The following REC8 variants were observed in gnomAD, a reference collection of about 807,000 sequenced individuals.
REC8 encodes REC8 meiotic recombination protein, also known as meiotic recombination protein REC8 homolog.
Under a neutral mutation model 78.3 loss-of-function variants are expected in REC8, and 42 were observed. The ratio of observed to expected loss-of-function variants is 0.54; its 90% CI spans 0.42 to 0.69. The LOEUF is 0.69. Among genes scored for constraint, REC8 ranks in the 30% least tolerant of loss-of-function variants. The pLI, the probability that REC8 is intolerant of heterozygous loss-of-function variation, is 0.00. For synonymous variants in REC8, 268 were observed against 274.1 expected (o/e 0.98, Z 0.22); for missense variants, 581 against 715.8 (o/e 0.81, Z 2.15).
chr14:24,179,864 A>T lies in REC8; in HGVS notation c.1516A>T (p.Ser506Cys). 1 of 1,613,722 alleles carries T rather than the reference A, an allele frequency of 6.2e-7. No homozygotes were observed. The highest frequency in any genetic ancestry group is 8.5e-7 in the Non-Finnish European group (1 of 1,179,814). The change falls in exon 18 of 19, where the codon AGC (serine) becomes TGC (cysteine). Residue 506 changes from serine to cysteine, a missense_variant. Physicochemically the swap from Ser to Cys is moderately radical, Grantham distance 112. Transcript: ENST00000611366. ...PDFSSLVSPL[S>C]PRRMAARVFY... ...CTTCAGCAGCCTGGTGTCACCTCTC[A>T]GCCCCCGCAGGATGGCTGCCCGGGT...
intron 11 of REC8, 50 bp downstream of exon 11, chr14:24,177,808 C>T (rs377654484): frequency 2.3e-4 from 347 of 1,514,770 alleles, no homozygotes; most frequent in Non-Finnish European, 2.9e-4. Flanking sequence ...TGCCCTCCCC[C>T]ACAAGGACTG....
rs1373066646 is a variant in REC8, at chr14:24,177,214, T to C, written c.698T>C (p.Leu233Ser). Residue 233 changes from leucine to serine, a missense_variant, in exon 8 of 19, where the codon TTG (leucine) becomes TCG (serine). Physicochemically the swap from Leu to Ser is moderately radical, Grantham distance 145. Coordinates refer to ENST00000611366, the MANE Select transcript of REC8 (RefSeq NM_001048205.2). The stretch of plus-strand genomic sequence containing the variant: ...ATCGCAGAGGAAGAAGAAGCTATCT[T>C]GTTAGAAAGTAGGTGTCTCCGGCAG... ...LLIAEEEEAI[L>S]LEIPRLPPPA... 10 of 1,613,844 alleles carry C rather than the reference T, an allele frequency of 6.2e-6. No homozygotes were observed. The highest frequency in any genetic ancestry group is 8.5e-6 in the Non-Finnish European group (10 of 1,179,960).
At chr14:24,180,562 G>A (rs768673914), downstream of REC8, 28 of 1,613,718 alleles carry the variant, frequency 1.7e-5, no homozygotes, top group Non-Finnish European at 2.1e-5. Flanking sequence ...GCAACAGTGC[G>A]GCCTTGGTGT....
At chr14:24,177,948 C>T in intron 11 of REC8, 143 bp from the exon 12 acceptor site, 1 of 1,509,150 alleles carries the variant, frequency 6.6e-7, no homozygotes, top group South Asian at 1.3e-5. Flanking sequence ...AAGGTATGAG[C>T]TGCTCAAGTG....
At chr14:24,172,840 G>C in intron 2 of REC8, 59 bp downstream of exon 2, 1 of 1,613,762 alleles carries the variant, frequency 6.2e-7, no homozygotes. Context: ...GGGATGGGGT[G>C]GCCAAGACTG....
At chr14:24,175,654 G>C (rs2038860339) in intron 6 of REC8, 30 bp downstream of exon 6, 1 of 1,557,480 alleles carries the variant, frequency 6.4e-7, no homozygotes, top group East Asian at 2.2e-5. Context: ...TTTCTGGTGA[G>C]AGGCATAGGC....
At chr14:24,172,675 C>G in intron 1 of REC8, 38 bp from the exon 2 acceptor site, 1 of 1,614,028 alleles carries the variant, frequency 6.2e-7, no homozygotes, top group Non-Finnish European at 8.5e-7. Flanking sequence ...ACAGCTCCCC[C>G]TCCATCCCCA....
At chr14:24,174,427 G>GCCACCAT (rs2038801714) in intron 5 of REC8, among the ~76,000 whole-genome samples, 1 of 151,992 alleles carries the variant, frequency 6.6e-6, no homozygotes, top group African/African-American at 2.4e-5. Context: ...ACAGATGCCT[G>GCCACCAT]CCACCATGCC....
chr14:24,178,353 A>G (rs1028179457), intron 12 of REC8, 131 bp downstream of exon 12: 1 of 894,170 alleles, frequency 1.1e-6, no homozygotes, highest in Admixed American at 2.5e-5. Flanking sequence ...AATCTCCTCC[A>G]TTCTCCAGAA....
At chr14:24,177,098 A>G (rs746217854) in intron 7 of REC8, 43 bp from the exon 8 acceptor site, 4 of 1,590,424 alleles carry the variant, frequency 2.5e-6, no homozygotes, top group Non-Finnish European at 3.5e-6. Flanking sequence ...CTTTTTCAGA[A>G]ATATTATTGA....
Position 24,172,722 on chromosome 14 carries a change from G to A in REC8, c.66G>A (p.Ala22=), listed in dbSNP as rs776852156. 3 of 1,614,176 alleles carry A rather than the reference G, an allele frequency of 1.9e-6. No individual in the cohort carries two copies. The highest frequency in any genetic ancestry group is 2.5e-6 in the Non-Finnish European group (3 of 1,180,012). ...TGCFATIWLA[A]TRGSRLVKRE... ...TCCCCACCCACTTCAGGCTGGCGGCGACTCGCGGCAGCCGGTTGGTGAAGC... is the reference window on the plus strand; with the variant it reads ...TCCCCACCCACTTCAGGCTGGCGGCAACTCGCGGCAGCCGGTTGGTGAAGC... The change falls in exon 2 of 19, where the codon GCG becomes GCA. Residue 22 remains alanine, a synonymous_variant. Transcript: ENST00000611366.
At position 24,177,473 on chromosome 14, in the gene REC8, G is replaced by A. The variant is rs747895432; in HGVS notation, c.746G>A (p.Gly249Glu). 1 of 1,614,160 alleles carries A rather than the reference G, an allele frequency of 6.2e-7. No homozygotes were observed. Among genetic ancestry groups the A allele is most frequent in the Non-Finnish European group, 8.5e-7 (1 of 1,180,024 alleles). Reference sequence around the variant, plus strand: ...TGCCCATTTCCCCTCAGGGTGGAAGGAATAGGAGAGGCACTGGGTCCTGAG... The same window carrying A: ...TGCCCATTTCCCCTCAGGGTGGAAGAAATAGGAGAGGCACTGGGTCCTGAG... Reference protein sequence around the residue: ...LPPPAPAEVEGIGEALGPEEL... With the variant: ...LPPPAPAEVEEIGEALGPEEL... Residue 249 changes from glycine to glutamate, a missense_variant, in exon 10 of 19, where the codon GGA (glycine) becomes GAA (glutamate). By Grantham distance (98) the Gly-to-Glu change is moderately conservative. Transcript: ENST00000611366.
Position 24,179,647 on chromosome 14 carries a change from G to T in REC8, c.1372G>T (p.Glu458Ter). The T allele has an allele frequency of 6.2e-7, 1 of 1,614,220 alleles. No individual in the cohort carries two copies. The highest frequency in any genetic ancestry group is 8.5e-7 in the Non-Finnish European group (1 of 1,180,030). Reference sequence around the variant, plus strand: ...AGCTCCTGCATTGCCCGTGGTGCCTGAACTCCCTGAGGTGCCCATGGAGAT... The same window carrying T: ...AGCTCCTGCATTGCCCGTGGTGCCTTAACTCCCTGAGGTGCCCATGGAGAT... ...PEAPALPVVP[E>*]LPEVPMEMPL... Residue 458 changes from glutamate to a stop codon, truncating the protein, a stop_gained, in exon 17 of 19, where the codon GAA (glutamate) becomes TAA (stop). Coordinates refer to ENST00000611366, the MANE Select transcript of REC8 (RefSeq NM_001048205.2). LOFTEE classifies it high-confidence loss of function.
Position 24,178,588 on chromosome 14 carries a change from C to G in REC8, c.997-18C>G. The G allele has an allele frequency of 6.2e-7, 1 of 1,613,064 alleles. No individual in the cohort carries two copies. The highest frequency in any genetic ancestry group is 8.5e-7 in the Non-Finnish European group (1 of 1,179,474). ...GGCTGCTTTATAATGGGGCTTCTGA[C>G]CTTCCCCCACTACACAGCCTATGGT... On this transcript the variant is annotated intron_variant, in intron 12 of 18. Coordinates refer to ENST00000611366, the MANE Select transcript of REC8 (RefSeq NM_001048205.2).
At position 24,179,450 on chromosome 14, in the gene REC8, C is replaced by G; in HGVS notation, c.1306C>G (p.Pro436Ala). 6.2e-7 allele frequency: 1 copy of G among 1,614,174 alleles called. No individual in the cohort carries two copies. Residue 436 changes from proline to alanine, a missense_variant, in exon 16 of 19, where the codon CCA becomes GCA. Physicochemically the swap from Pro to Ala is conservative, Grantham distance 27 (BLOSUM62 -1). Coordinates refer to ENST00000611366, the MANE Select transcript of REC8 (RefSeq NM_001048205.2). The stretch of plus-strand genomic sequence containing the variant: ...GAAGTCCCGCATCAGCCTCATCCCA[C>G]CAGAAGAACGGTGGTAAGCGGCCAG... ...EEKSRISLIP[P>A]EERWAWPEVE...
At position 24,172,616 on chromosome 14, in the gene REC8, C is replaced by CG; in HGVS notation, c.56+12dup. The CG allele has an allele frequency of 1.2e-6, 2 of 1,613,300 alleles. No homozygotes were observed. Among genetic ancestry groups the CG allele is most frequent in the Middle Eastern group, 1.7e-4 (1 of 6,060 alleles). ...CTGCTTTGCCACCATCTGGTAAGGGCGGGGCCCGTTGGCGCGCGATGGCGG... is the reference window on the plus strand; with the variant it reads ...CTGCTTTGCCACCATCTGGTAAGGGCGGGGGCCCGTTGGCGCGCGATGGCGG... On this transcript the variant is annotated intron_variant, in intron 1 of 18. Transcript: ENST00000611366.
Position 24,180,146 on chromosome 14 carries a change from CCA to C in REC8, c.*53_*54del, listed in dbSNP as rs768750032. The C allele has an allele frequency of 2.3e-5, 37 of 1,613,958 alleles. No individual in the cohort carries two copies. Among genetic ancestry groups the C allele is most frequent in the Non-Finnish European group, 3.1e-5 (36 of 1,180,018 alleles). ...CAGGAAACCGGCCACTTCTAGTAAA[CCA>C]CGTCGTGCCTCACTGGGTCCTGCTT... On this transcript the variant is annotated 3_prime_UTR_variant, in exon 19 of 19. Coordinates refer to ENST00000611366, the MANE Select transcript of REC8 (RefSeq NM_001048205.2).
chr14:24,175,301 C>T lies in REC8; in HGVS notation c.463-242C>T, dbSNP rs78574856. 1,548 of 378,640 alleles carry T rather than the reference C, an allele frequency of 4.1e-3. 21 individuals carry two copies. Among genetic ancestry groups the T allele is most frequent in the African/African-American group, 0.03 (1,439 of 48,158 alleles). 23.5% of individuals were successfully genotyped at this position (378,640 alleles called of 1,614,324 possible). On this transcript the variant is annotated intron_variant, in intron 5 of 18. Coordinates refer to ENST00000611366, the MANE Select transcript of REC8 (RefSeq NM_001048205.2). ...GATTACAGACATGAGCCACCGAGCC[C>T]GGCCTTCTTGCACAAATTGATGAGG...
Position 24,179,125 on chromosome 14 carries a change from T to G in REC8, c.1244T>G (p.Val415Gly). 1 of 1,575,598 alleles carries G rather than the reference T, an allele frequency of 6.3e-7. No individual in the cohort carries two copies. Among genetic ancestry groups the G allele is most frequent in the Non-Finnish European group, 8.6e-7 (1 of 1,160,354 alleles). Residue 415 changes from valine to glycine, a missense_variant, in exon 15 of 19, where the codon GTG becomes GGG. Transcript: ENST00000611366. ...CTGGAGCCCAGTGTTCCCCTTATGG[T>G]GTCTTTAGGTAAGCACCTAGAGAAG... is the stretch of plus-strand genomic sequence containing the variant. ...EALEPSVPLMVSLEISLEAAE... is the reference protein window; with the variant it reads ...EALEPSVPLMGSLEISLEAAE...
Sources: allele counts gnomAD v4.1 joint callset (sites outside exome capture counted in the v4.1 genomes callset), GRCh38; gene constraint gnomAD v4.1.1; transcripts MANE v1.5; gene names NCBI Gene and HGNC (gene_info 2026-07-23, HGNC 2026-07-21).